Variants in FNIP2 observed in about 807,000 individuals in gnomAD.
The protein encoded by FNIP2 is folliculin-interacting protein 2.
A neutral mutation model predicts 108.7 loss-of-function variants in FNIP2; 32 were observed. The ratio of observed to expected loss-of-function variants is 0.29; its 90% CI spans 0.22 to 0.40. The LOEUF is 0.40. Ranked by LOEUF, FNIP2 falls within the 10% of genes least tolerant of loss-of-function variation. The pLI is 1.00. For synonymous variants in FNIP2, 480 were observed against 496.7 expected (o/e 0.97, Z 0.45); for missense variants, 1,202 against 1,381.6 (o/e 0.87, Z 2.06).
rs1442485757 is a variant in FNIP2 at position 158,881,190 on chromosome 4, CTCCACGGTCTCCCTCTCCCTCTCTT to C, written c.2950-10199_2950-10175del. Among the ~76,000 whole-genome samples the C allele has an allele frequency of 4.1e-3, 614 of 149,304 alleles. 18 individuals are homozygous for C. The highest frequency in any genetic ancestry group is 0.013 in the African/African-American group (535 of 40,158). On this transcript the variant is annotated intron_variant, in intron 14 of 16. Transcript: ENST00000264433. The stretch of plus-strand genomic sequence containing the variant: ...ACTCTCCCTCTCCCTCTCCGTCTCC[CTCCACGGTCTCCCTCTCCCTCTCTT>C]TCCACGGTCTCCCTCTCCCTCTCTT...
intron 7 of FNIP2, among the ~76,000 whole-genome samples, chr4:158,841,324 T>C (rs867829936): frequency 1.4e-4 from 21 of 152,258 alleles, no homozygotes; most frequent in African/African-American, 4.8e-4. Context: ...ACCTGGGCTT[T>C]CCTCATCAGT....
At chr4:158,860,749 T>C (rs1364600525) in intron 10 of FNIP2, among the ~76,000 whole-genome samples, 2 of 150,224 alleles carry the variant, frequency 1.3e-5, no homozygotes, top group Admixed American at 6.7e-5. Flanking sequence ...CTTCACCTCC[T>C]GGGTTCAAGC....
chr4:158,784,326 T>A (rs1776146403), intron 1 of FNIP2, among the ~76,000 whole-genome samples: 1 of 152,224 alleles, frequency 6.6e-6, no homozygotes, highest in Non-Finnish European at 1.5e-5. Context: ...TCTTTGCTGA[T>A]TGCCCCAAAT....
rs564519743 is a variant in FNIP2, at chr4:158,855,000, C to T, written c.857+3550C>T. On this transcript the variant is annotated intron_variant, in intron 8 of 16. Coordinates refer to ENST00000264433, the MANE Select transcript of FNIP2 (RefSeq NM_020840.3). ...GTTAGCTTTGGGGAAAAAAGAGGCT[C>T]ATGTTTTTTTGATTTACCTTGGGGA... Among the ~76,000 whole-genome samples, 4 of 152,224 alleles carry T rather than the reference C, an allele frequency of 2.6e-5. No homozygotes were observed. In the East Asian group the frequency reaches 7.7e-4, roughly 29 times the overall value.
At chr4:158,879,450 G>A (rs1282294901) in intron 14 of FNIP2, among the ~76,000 whole-genome samples, 1 of 150,432 alleles carries the variant, frequency 6.6e-6, no homozygotes, top group Non-Finnish European at 1.5e-5. Flanking sequence ...AGGGAAGAGT[G>A]CAGGGCATAG....
intron 14 of FNIP2, among the ~76,000 whole-genome samples, chr4:158,875,515 G>GAGATATATATATATATAT (rs1553964261): frequency 1.8e-5 from 2 of 111,982 alleles, no homozygotes; most frequent in African/African-American, 1.0e-4. Flanking sequence ...GCCTGGCTGT[G>GAGATATATATATATATAT]ATATATATAT....
intron 1 of FNIP2, among the ~76,000 whole-genome samples, chr4:158,825,588 TCTC>T (rs1778111898): frequency 6.6e-6 from 1 of 152,236 alleles, no homozygotes; most frequent in Non-Finnish European, 1.5e-5. Flanking sequence ...AATTTAGTCT[TCTC>T]TGCATGTCCT....
intron 1 of FNIP2, among the ~76,000 whole-genome samples, chr4:158,778,767 C>G (rs1022833119): frequency 6.6e-6 from 1 of 152,202 alleles, no homozygotes; most frequent in African/African-American, 2.4e-5. Flanking sequence ...TGAAAGGTAT[C>G]GCCTGTGGAT....
At chr4:158,777,196 T>C (rs1439560240) in intron 1 of FNIP2, among the ~76,000 whole-genome samples, 1 of 152,244 alleles carries the variant, frequency 6.6e-6, no homozygotes, top group African/African-American at 2.4e-5. Flanking sequence ...TGTAGAACTC[T>C]TCTCTATATA....
chr4:158,897,465 A>G lies in FNIP2; in HGVS notation c.3266+1600A>G, dbSNP rs186063059. Among the ~76,000 whole-genome samples the G allele has an allele frequency of 2.0e-4, 30 of 152,334 alleles. No individual in the cohort carries two copies. In the East Asian group the frequency reaches 5.8e-3, roughly 29 times the overall value. ...TAATTTAGACTCCCATCAACAGTGT[A>G]AAAGTGTTCCTATTTCTCCACATCC... On this transcript the variant is annotated intron_variant, in intron 16 of 16. Transcript: ENST00000264433.
chr4:158,868,541 G>A lies in FNIP2; in HGVS notation c.1905G>A (p.Gly635=). 6.2e-7 allele frequency: 1 copy of A among 1,613,764 alleles called. No homozygotes were observed. The highest frequency in any genetic ancestry group is 8.5e-7 in the Non-Finnish European group (1 of 1,179,772). The change falls in exon 13 of 17, where the codon GGG becomes GGA. Residue 635 remains glycine, a synonymous_variant. Transcript: ENST00000264433. This position sits in a 1 kb window ranked among gnomAD's most constrained non-coding sequence, Gnocchi z 4.6. ...AGGCTTGCAGCGCAGGGTGCCTGGG[G>A]CCAGCATCAGACGCTTCCTGGAAAC... is the stretch of plus-strand genomic sequence containing the variant. The part of the protein sequence containing the change: ...GSEACSAGCL[G]PASDASWKPQ...
chr4:158,822,310 G>C (rs542410753), intron 1 of FNIP2, among the ~76,000 whole-genome samples: 5 of 151,438 alleles, frequency 3.3e-5, no homozygotes, highest in African/African-American at 1.2e-4. Flanking sequence ...CCGCACTCCA[G>C]TAGCTGGGAC....
chr4:158,868,866 G>T lies in FNIP2; in HGVS notation c.2230G>T (p.Ala744Ser). ...RMKKMEERVK[A>S]CGPSLEASEA... ...GAAAAAAATGGAGGAACGGGTGAAGGCCTGTGGCCCCTCCTTGGAGGCCAG... is the reference window on the plus strand; with the variant it reads ...GAAAAAAATGGAGGAACGGGTGAAGTCCTGTGGCCCCTCCTTGGAGGCCAG... The change falls in exon 13 of 17, where the codon GCC becomes TCC. Residue 744 changes from alanine to serine, a missense_variant. Physicochemically the swap from Ala to Ser is moderately conservative, Grantham distance 99. Around this residue, in one of 5 missense-constraint regions of FNIP2, gnomAD observed 878 missense variants for 990.3 expected, o/e 0.89. Transcript: ENST00000264433. This position sits in a 1 kb window ranked among gnomAD's most constrained non-coding sequence, Gnocchi z 4.6. 1 of 1,613,952 alleles carries T rather than the reference G, an allele frequency of 6.2e-7. No homozygotes were observed. The highest frequency in any genetic ancestry group is 8.5e-7 in the Non-Finnish European group (1 of 1,179,890).
chr4:158,866,118 G>T (rs1780561159), intron 12 of FNIP2, among the ~76,000 whole-genome samples: 2 of 148,374 alleles, frequency 1.3e-5, no homozygotes, highest in East Asian at 2.0e-4. Flanking sequence ...TCCTCAGAGG[G>T]TTTCTAACTT....
intron 14 of FNIP2, among the ~76,000 whole-genome samples, chr4:158,881,457 GGT>G: frequency 6.9e-6 from 1 of 144,270 alleles, no homozygotes; most frequent in Non-Finnish European, 1.5e-5. Context: ...CTCTTTCCAC[GGT>G]CTCCCTCTCC....
Position 158,861,617 on chromosome 4 carries a change from G to A in FNIP2, c.1306G>A (p.Ala436Thr). 2 of 1,613,700 alleles carry A rather than the reference G, an allele frequency of 1.2e-6. No individual in the cohort carries two copies. The highest frequency in any genetic ancestry group is 1.7e-6 in the Non-Finnish European group (2 of 1,179,830). ...EQINKNQFFAALLTAVLTYHL... is the reference protein window; with the variant it reads ...EQINKNQFFATLLTAVLTYHL... ...TTCCATTTCTCCAAGGTTTTTTGCT[G>A]CCTTACTGACTGCGGTGTTAACCTA... The change falls in exon 12 of 17, where the codon GCC becomes ACC. Residue 436 changes from alanine (A) to threonine (T), a missense_variant. Ala to Thr is a moderately conservative substitution (Grantham distance 58). Transcript: ENST00000264433.
chr4:158,780,781 C>G (rs1018507297), intron 1 of FNIP2, among the ~76,000 whole-genome samples: 1 of 152,002 alleles, frequency 6.6e-6, no homozygotes, highest in Non-Finnish European at 1.5e-5. Flanking sequence ...GCCTATAATC[C>G]CAGCACTCTG....
intron 1 of FNIP2, among the ~76,000 whole-genome samples, chr4:158,822,433 C>T (rs1327032631): frequency 1.3e-5 from 2 of 152,128 alleles, no homozygotes; most frequent in Non-Finnish European, 2.9e-5. Flanking sequence ...CCTCGGTCTC[C>T]CAAAGTCCTG....
At chr4:158,830,339 T>C (rs1262610180) in intron 3 of FNIP2, among the ~76,000 whole-genome samples, 1 of 143,066 alleles carries the variant, frequency 7.0e-6, no homozygotes, top group Non-Finnish European at 1.5e-5. Context: ...CTCGGCTCAC[T>C]GCAAGCTCCG....
Sources: allele counts gnomAD v4.1 joint callset (sites outside exome capture counted in the v4.1 genomes callset), GRCh38; gene constraint gnomAD v4.1.1; regional missense constraint gnomAD v4.1.1; non-coding constraint Gnocchi (gnomAD v3.1); transcripts MANE v1.5; gene names NCBI Gene and HGNC (gene_info 2026-07-23, HGNC 2026-07-21).